FBXL17: variants seen among roughly 807,000 people sequenced by gnomAD.
FBXL17 encodes F-box and leucine rich repeat protein 17.
A neutral mutation model predicts 66.2 loss-of-function variants in FBXL17; 22 were observed. That is an observed-to-expected ratio of 0.33 (90% CI 0.24 to 0.47). The LOEUF is 0.47. FBXL17 is among the 20% of genes least tolerant of loss of function. The pLI is 1.00. For missense variants in FBXL17, 878 were observed against 948.2 expected (o/e 0.93, Z 0.97); for synonymous variants, 474 against 400.5 (o/e 1.18, Z -2.19).
intron 6 of FBXL17, among the ~76,000 whole-genome samples, chr5:108,117,455 T>A (rs917215083): frequency 2.2e-4 from 33 of 152,294 alleles, no homozygotes; most frequent in African/African-American, 7.9e-4. Context: ...TACTAGATTA[T>A]GAATAAAATA....
chr5:108,367,671 C>G (rs1342697327), intron 2 of FBXL17, among the ~76,000 whole-genome samples, 160 bp downstream of exon 2: 2 of 152,028 alleles, frequency 1.3e-5, no homozygotes, highest in African/African-American at 4.8e-5. Flanking sequence ...CTAGCTTTAC[C>G]TTGAAATCAC....
intron 4 of FBXL17, among the ~76,000 whole-genome samples, chr5:108,255,906 G>C (rs1015121991): frequency 6.6e-6 from 1 of 152,114 alleles, no homozygotes. Context: ...ATCCACCAAA[G>C]AAAATGCTGA....
At chr5:107,884,816 A>C (rs1347542970) in intron 7 of FBXL17, among the ~76,000 whole-genome samples, 1 of 152,204 alleles carries the variant, frequency 6.6e-6, no homozygotes, top group African/African-American at 2.4e-5. Context: ...TCTGTGGCTC[A>C]AGTGAGATGA....
At chr5:107,932,705 C>T (rs1750773407) in intron 7 of FBXL17, among the ~76,000 whole-genome samples, 1 of 151,936 alleles carries the variant, frequency 6.6e-6, no homozygotes, top group Non-Finnish European at 1.5e-5. Flanking sequence ...TGATTTATTT[C>T]TAAATAAGAG....
chr5:108,381,572 C>G lies in FBXL17; in HGVS notation c.120G>C (p.Lys40Asn). The G allele has an allele frequency of 6.9e-7, 1 of 1,444,958 alleles. No individual in the cohort carries two copies. 89.5% of individuals were successfully genotyped at this position (1,444,958 alleles called of 1,614,324 possible). The change falls in exon 1 of 9, where the codon AAG (lysine) becomes AAC (asparagine). Residue 40 changes from lysine (K) to asparagine (N), a missense_variant. This residue lies in a region of FBXL17 where 605 missense variants were observed against 509.5 expected (regional missense o/e 1.19). Transcript: ENST00000542267. Reference sequence around the variant, plus strand: ...GGGGCGCCGCCGGCTGAGGGGGCACCTTGGCTGGGGTCCGGCGGGGCAGCC... The same window carrying G: ...GGGGCGCCGCCGGCTGAGGGGGCACGTTGGCTGGGGTCCGGCGGGGCAGCC... ...LLRLPRRTPAKVPPQPAAPRS... is the reference protein window; with the variant it reads ...LLRLPRRTPANVPPQPAAPRS...
At chr5:108,236,802 G>T (rs973565834) in intron 4 of FBXL17, among the ~76,000 whole-genome samples, 1 of 152,170 alleles carries the variant, frequency 6.6e-6, no homozygotes, top group Non-Finnish European at 1.5e-5. Context: ...TAGTCAGTGG[G>T]CCCATAGGGT....
intron 4 of FBXL17, among the ~76,000 whole-genome samples, chr5:108,292,990 C>A (rs143002364): frequency 0.043 from 6,549 of 150,866 alleles, 760 homozygotes; most frequent in East Asian, 0.39. Flanking sequence ...ACTGGGGAGG[C>A]TGAGGCAGAA....
intron 7 of FBXL17, among the ~76,000 whole-genome samples, chr5:107,956,204 T>A (rs888911020): frequency 3.9e-5 from 6 of 152,214 alleles, no homozygotes; most frequent in Non-Finnish European, 8.8e-5. Flanking sequence ...AGAAATAATT[T>A]TATTAATATC....
chr5:108,299,736 C>G, intron 4 of FBXL17: 1 of 984,728 alleles, frequency 1.0e-6, no homozygotes, highest in Non-Finnish European at 1.2e-6. Context: ...AAGTTATCCA[C>G]TCTGCAGGAG....
chr5:107,883,790 C>T (rs190627432), intron 7 of FBXL17, among the ~76,000 whole-genome samples: 32 of 152,200 alleles, frequency 2.1e-4, no homozygotes, highest in African/African-American at 5.1e-4. Context: ...AACAGAGGCA[C>T]GCTAAGGGGG....
At position 108,169,201 on chromosome 5, in the gene FBXL17, A is replaced by G. The variant is rs980277954; in HGVS notation, c.1745+16916T>C. 7.9e-5 allele frequency among the ~76,000 whole-genome samples: 12 copies of G among 152,304 alleles called. 1 individual carries two copies. Among genetic ancestry groups the G allele is most frequent in the African/African-American group, 2.9e-4 (12 of 41,586 alleles). On this transcript the variant is annotated intron_variant, in intron 6 of 8. Transcript: ENST00000542267. ...AAAAAAGCTCCTCTATAACATAATG[A>G]TGTCTCTGTACTGGGAATAAACTTG...
At chr5:108,263,719 T>A (rs1756929503) in intron 4 of FBXL17, among the ~76,000 whole-genome samples, 1 of 152,218 alleles carries the variant, frequency 6.6e-6, no homozygotes, top group Non-Finnish European at 1.5e-5. Flanking sequence ...CAATATTATT[T>A]AATACATAAA....
chr5:107,901,960 T>A (rs927358503), intron 7 of FBXL17, among the ~76,000 whole-genome samples: 1 of 152,158 alleles, frequency 6.6e-6, no homozygotes, highest in Non-Finnish European at 1.5e-5. Context: ...TGTTGCTAGA[T>A]CTTGAATTCT....
At chr5:108,071,629 CCTCT>C (rs36100022) in intron 6 of FBXL17, among the ~76,000 whole-genome samples, 20 of 151,440 alleles carry the variant, frequency 1.3e-4, no homozygotes, top group Non-Finnish European at 2.5e-4. Flanking sequence ...TTTCTTTTCC[CCTCT>C]CTTAGTCTCT....
chr5:108,350,553 TC>T (rs1354086713), intron 3 of FBXL17, among the ~76,000 whole-genome samples: 1 of 152,088 alleles, frequency 6.6e-6, no homozygotes, highest in East Asian at 1.9e-4. Flanking sequence ...ATGCAAATCA[TC>T]AAAAAGTTTC....
intron 6 of FBXL17, among the ~76,000 whole-genome samples, chr5:108,050,814 C>A (rs534046454): frequency 2.6e-5 from 4 of 151,518 alleles, no homozygotes; most frequent in Non-Finnish European, 1.5e-5. Context: ...GCTAGCTAGA[C>A]TAATAAAGAA....
At chr5:107,981,191 G>A (rs1303162634) in intron 7 of FBXL17, among the ~76,000 whole-genome samples, 1 of 152,162 alleles carries the variant, frequency 6.6e-6, no homozygotes, top group African/African-American at 2.4e-5. Flanking sequence ...AGCATGGCTT[G>A]AGCAGGAGTC....
At chr5:107,887,104 A>G (rs1748998054) in intron 7 of FBXL17, among the ~76,000 whole-genome samples, 1 of 152,204 alleles carries the variant, frequency 6.6e-6, no homozygotes, top group Non-Finnish European at 1.5e-5. Context: ...GGTTTTGATA[A>G]GCGTATTGTG....
chr5:108,206,150 C>A (rs1754108742), intron 5 of FBXL17, among the ~76,000 whole-genome samples: 1 of 152,094 alleles, frequency 6.6e-6, no homozygotes, highest in Non-Finnish European at 1.5e-5. Flanking sequence ...AAGATAACTG[C>A]AAAATTATAA....
Sources: gnomAD v4.1 joint callset for allele counts (sites outside exome capture counted in the v4.1 genomes callset) on GRCh38, gnomAD v4.1.1 for gene constraint, gnomAD v4.1.1 regional missense constraint, MANE v1.5 for transcripts, NCBI Gene and HGNC (gene_info 2026-07-23, HGNC 2026-07-21) for gene names.